The following TTC39A variants were observed in gnomAD, a reference collection of about 807,000 sequenced individuals.
The protein encoded by TTC39A is tetratricopeptide repeat domain 39A, also known as tetratricopeptide repeat protein 39A.
Under a neutral mutation model 82.3 loss-of-function variants are expected in TTC39A, and 46 were observed. That is an observed-to-expected ratio of 0.56 (90% CI 0.44 to 0.71). The LOEUF is 0.71. TTC39A is among the 30% of genes least tolerant of loss of function. TTC39A has a pLI of 0.00. For synonymous variants in TTC39A, 254 were observed against 275.2 expected (o/e 0.92, Z 0.76); for missense variants, 543 against 712.9 (o/e 0.76, Z 2.71).
At chr1:51,296,196 G>A in intron 12 of TTC39A, 26 bp from the exon 13 acceptor site, 1 of 1,566,256 alleles carries the variant, frequency 6.4e-7, no homozygotes, top group South Asian at 1.2e-5. Flanking sequence ...CAACAGCCAG[G>A]TGTGAGCAGC....
At chr1:51,340,080 C>G (rs1646016501) in intron 1 of TTC39A, among the ~76,000 whole-genome samples, 1 of 152,200 alleles carries the variant, frequency 6.6e-6, no homozygotes, top group Non-Finnish European at 1.5e-5. Flanking sequence ...GAAAGCAGGT[C>G]CTCATCAGAT....
At chr1:51,305,838 T>C in intron 7 of TTC39A, 139 bp downstream of exon 7, 1 of 819,164 alleles carries the variant, frequency 1.2e-6, no homozygotes. Flanking sequence ...GCTGGCCACA[T>C]GTCTGGTCAC....
In TTC39A at chr1:51,294,499, G is replaced by A. The variant is rs563821519; in HGVS notation, c.1158C>T (p.Gly386=). Residue 386 remains glycine, a synonymous_variant, in exon 14 of 18, where the codon GGC becomes GGT. Transcript: ENST00000680483. The surrounding 1 kb of genome is among the most constrained non-coding windows in gnomAD (Gnocchi z 4.3). The stretch of plus-strand genomic sequence containing the variant: ...ATTTCCCAGCAATCTTGAGCTTCAG[G>A]CCTGGCACAGCTCTGCGAAAGAGAT... ...DEVELFRAVP[G]LKLKIAGKSL... 1.9e-6 allele frequency: 3 copies of A among 1,613,918 alleles called. No individual in the cohort carries two copies. In the South Asian group the frequency reaches 3.3e-5, roughly 18 times the overall value.
chr1:51,305,633 G>A (rs1358212139), intron 7 of TTC39A: 2 of 361,276 alleles, frequency 5.5e-6, no homozygotes, highest in Non-Finnish European at 1.0e-5. Context: ...CCCTGACACT[G>A]GTAAATGTTT....
intron 1 of TTC39A, among the ~76,000 whole-genome samples, chr1:51,324,778 C>T (rs1645651094): frequency 6.6e-6 from 1 of 151,948 alleles, no homozygotes; most frequent in Non-Finnish European, 1.5e-5. Context: ...GGTGATCCAC[C>T]CGCCTCAGCC....
intron 14 of TTC39A, among the ~76,000 whole-genome samples, chr1:51,293,454 G>A (rs1569767379): frequency 6.6e-6 from 1 of 152,138 alleles, no homozygotes; most frequent in Admixed American, 6.5e-5. Context: ...AATATTGACC[G>A]TTTCAATTTA....
chr1:51,309,470 C>G, intron 5 of TTC39A, 145 bp from the exon 6 acceptor site: 1 of 1,489,510 alleles, frequency 6.7e-7, no homozygotes, highest in Non-Finnish European at 8.9e-7. Context: ...ACCAGGCCTC[C>G]CTGCTCTTTG....
At chr1:51,335,881 G>C (rs1387142328), upstream of TTC39A, among the ~76,000 whole-genome samples, 1 of 152,134 alleles carries the variant, frequency 6.6e-6, no homozygotes. Flanking sequence ...CAGAACCTCA[G>C]TTTTCCCATC....
intron 1 of TTC39A, among the ~76,000 whole-genome samples, chr1:51,326,849 G>A (rs61782064): frequency 0.043 from 6,507 of 152,302 alleles, 190 homozygotes; most frequent in East Asian, 0.095. Flanking sequence ...CTATTCCTGC[G>A]GTGATGGTGG....
At chr1:51,302,240 GCCC>G (rs375305601) in intron 11 of TTC39A, 114 bp downstream of exon 11, 1 of 623,710 alleles carries the variant, frequency 1.6e-6, no homozygotes, top group Non-Finnish European at 2.9e-6. Flanking sequence ...TTCTCTCTTG[GCCC>G]CCCCCCCGCC....
At chr1:51,341,826 A>C (rs971595944) in intron 1 of TTC39A, among the ~76,000 whole-genome samples, 2 of 152,226 alleles carry the variant, frequency 1.3e-5, no homozygotes, top group Admixed American at 1.3e-4. Context: ...CTCAAGTCCA[A>C]ATTCATTCCC....
rs1398729351 is a variant in TTC39A at position 51,290,526 on chromosome 1, C to G, written c.1366G>C (p.Glu456Gln). ...EIITKAEEML[E>Q]KGPENEYSVD... Reference sequence around the variant, plus strand: ...TGAGGGAAGTCACCTGGGCCTTTCTCCAGCATCTCTTCAGCCTTAGTGATA... The same window carrying G: ...TGAGGGAAGTCACCTGGGCCTTTCTGCAGCATCTCTTCAGCCTTAGTGATA... The change falls in exon 15 of 18, where the codon GAG (glutamate) becomes CAG (glutamine). Residue 456 changes from glutamate to glutamine, a missense_variant. Glu to Gln is a conservative substitution (Grantham distance 29). Transcript: ENST00000680483. 1 of 1,613,684 alleles carries G rather than the reference C, an allele frequency of 6.2e-7. No individual in the cohort carries two copies. Among genetic ancestry groups the G allele is most frequent in the Non-Finnish European group, 8.5e-7 (1 of 1,179,808 alleles).
At chr1:51,305,249 G>GTGGCCCTCTCCCCTCC in intron 7 of TTC39A, 103 bp from the exon 8 acceptor site, 1 of 1,155,366 alleles carries the variant, frequency 8.7e-7, no homozygotes, top group Non-Finnish European at 1.3e-6. Context: ...ACCTGGAGGG[G>GTGGCCCTCTCCCCTCC]AGAGGGCCAC....
chr1:51,335,553 T>A (rs1344627944), upstream of TTC39A, among the ~76,000 whole-genome samples: 1 of 138,730 alleles, frequency 7.2e-6, no homozygotes, highest in Non-Finnish European at 1.5e-5. Flanking sequence ...AGAGAGAAAC[T>A]CTTGTCTCAC....
At chr1:51,322,179 C>A (rs1238242607) in intron 1 of TTC39A, 14 of 1,535,734 alleles carry the variant, frequency 9.1e-6, no homozygotes, top group South Asian at 7.4e-5. Flanking sequence ...TGCTGCCCCC[C>A]CAGGGGGTGC....
chr1:51,331,734 C>T, upstream of TTC39A: 1 of 985,400 alleles, frequency 1.0e-6, no homozygotes, highest in Non-Finnish European at 1.2e-6. Flanking sequence ...CTCTAGGAGT[C>T]TCATATACAG....
At chr1:51,324,520 T>TTTTA (rs1645640979) in intron 1 of TTC39A, among the ~76,000 whole-genome samples, 2 of 152,084 alleles carry the variant, frequency 1.3e-5, no homozygotes, top group Non-Finnish European at 2.9e-5. Flanking sequence ...TACTGAATTA[T>TTTTA]TTTATTTATT....
intron 1 of TTC39A, chr1:51,322,214 C>A: frequency 6.6e-7 from 1 of 1,519,286 alleles, no homozygotes; most frequent in Non-Finnish European, 8.8e-7. Flanking sequence ...ATCCCACAGC[C>A]CCTTTTTCCC....
intron 14 of TTC39A, among the ~76,000 whole-genome samples, chr1:51,291,628 C>CAAAAA (rs58825279): frequency 4.0e-5 from 2 of 49,946 alleles, no homozygotes; most frequent in African/African-American, 7.9e-5. Flanking sequence ...CCATCTCCAC[C>CAAAAA]AAAAAAAAAA....
Sources: gnomAD v4.1 joint callset for allele counts (sites outside exome capture counted in the v4.1 genomes callset) on GRCh38, gnomAD v4.1.1 for gene constraint, Gnocchi (gnomAD v3.1) non-coding constraint, MANE v1.5 for transcripts, NCBI Gene and HGNC (gene_info 2026-07-23, HGNC 2026-07-21) for gene names.